The following NKAIN2 variants were observed in gnomAD, a reference collection of about 807,000 sequenced individuals.
NKAIN2 encodes the protein sodium/potassium-transporting ATPase subunit beta-1-interacting protein 2.
Under a neutral mutation model 32.6 loss-of-function variants are expected in NKAIN2, and 14 were observed. The ratio of observed to expected loss-of-function variants is 0.43; its 90% CI spans 0.28 to 0.67. NKAIN2 has a LOEUF of 0.67. Ranked by LOEUF, NKAIN2 falls within the 30% of genes least tolerant of loss-of-function variation. The pLI is 0.17. For synonymous variants in NKAIN2, 80 were observed against 87.2 expected (o/e 0.92, Z 0.46); for missense variants, 198 against 258.3 (o/e 0.77, Z 1.60).
At chr6:123,911,927 AT>A (rs1328761517) in intron 1 of NKAIN2, among the ~76,000 whole-genome samples, 8 of 149,998 alleles carry the variant, frequency 5.3e-5, no homozygotes, top group African/African-American at 2.0e-4. Flanking sequence ...TTTTACAGGT[AT>A]TTTTCACTGA....
At chr6:123,943,116 A>G (rs1299692675) in intron 1 of NKAIN2, among the ~76,000 whole-genome samples, 1 of 152,040 alleles carries the variant, frequency 6.6e-6, no homozygotes, top group East Asian at 1.9e-4. Context: ...GTTTCTATCA[A>G]GAGTAGTTGG....
At chr6:124,045,671 G>A (rs1436273741) in intron 1 of NKAIN2, among the ~76,000 whole-genome samples, 1 of 151,698 alleles carries the variant, frequency 6.6e-6, no homozygotes, top group Non-Finnish European at 1.5e-5. Flanking sequence ...AAACTAAATG[G>A]TGATTCATGG....
intron 6 of NKAIN2, chr6:124,819,132 A>G (rs1188135047): frequency 2.1e-6 from 2 of 973,224 alleles, no homozygotes; most frequent in Non-Finnish European, 2.4e-6. Flanking sequence ...ATATATCAGC[A>G]TCAAGTGATA....
At chr6:124,656,549 C>G (rs986868478) in intron 3 of NKAIN2, among the ~76,000 whole-genome samples, 2 of 151,922 alleles carry the variant, frequency 1.3e-5, no homozygotes, top group African/African-American at 4.8e-5. Flanking sequence ...AAAAGTGTCT[C>G]GAGACACTTT....
chr6:124,581,931 A>G (rs1781539465), intron 3 of NKAIN2, among the ~76,000 whole-genome samples: 2 of 152,276 alleles, frequency 1.3e-5, no homozygotes, highest in East Asian at 3.9e-4. Context: ...AAACTTCAAA[A>G]AGACAACCTA....
intron 4 of NKAIN2, among the ~76,000 whole-genome samples, chr6:124,725,625 T>A (rs1776245605): frequency 6.6e-6 from 1 of 152,236 alleles, no homozygotes; most frequent in South Asian, 2.1e-4. Flanking sequence ...TACAGTGGGG[T>A]AATATGCTGA....
chr6:124,329,036 C>G (rs1797542874), intron 2 of NKAIN2, among the ~76,000 whole-genome samples: 1 of 152,146 alleles, frequency 6.6e-6, no homozygotes. Context: ...AACCACAGCC[C>G]CACTGCTGCA....
At chr6:124,549,534 A>G (rs775069020) in intron 3 of NKAIN2, among the ~76,000 whole-genome samples, 4 of 152,262 alleles carry the variant, frequency 2.6e-5, no homozygotes, top group Middle Eastern at 3.4e-3. Flanking sequence ...CTAAAAATCA[A>G]CCTTTGTACA....
intron 3 of NKAIN2, among the ~76,000 whole-genome samples, chr6:124,409,653 C>T (rs1774056357): frequency 6.6e-6 from 1 of 152,062 alleles, no homozygotes; most frequent in Admixed American, 6.6e-5. Flanking sequence ...GTCTAAAATT[C>T]TCTTTTCTTG....
At chr6:124,124,325 T>C (rs888938233) in intron 1 of NKAIN2, among the ~76,000 whole-genome samples, 3 of 151,412 alleles carry the variant, frequency 2.0e-5, no homozygotes, top group African/African-American at 7.3e-5. Context: ...TTATTTTTAA[T>C]GTCATTCATG....
intron 1 of NKAIN2, among the ~76,000 whole-genome samples, chr6:124,280,832 CAT>C (rs971131296): frequency 6.6e-6 from 1 of 152,116 alleles, no homozygotes; most frequent in Non-Finnish European, 1.5e-5. Context: ...AATTACAGAA[CAT>C]ATGATAATGC....
rs150143655 is a variant in NKAIN2 at position 124,263,461 on chromosome 6, G to A, written c.55-19544G>A. Among the ~76,000 whole-genome samples, 241 of 152,162 alleles carry A rather than the reference G, an allele frequency of 1.6e-3. 3 individuals carry two copies. Among genetic ancestry groups the A allele is most frequent in the African/African-American group, 5.5e-3 (227 of 41,520 alleles). On this transcript the variant is annotated intron_variant, in intron 1 of 6. Coordinates refer to ENST00000368417, the MANE Select transcript of NKAIN2 (RefSeq NM_001040214.3). ...CTTTTGCTCATTGGCCTTGCTCTGC[G>A]GACACAAGCTTCAGTCTGCCTGACT... is the stretch of plus-strand genomic sequence containing the variant.
At chr6:124,661,494 C>A (rs1315749081) in intron 4 of NKAIN2, among the ~76,000 whole-genome samples, 1 of 152,172 alleles carries the variant, frequency 6.6e-6, no homozygotes, top group African/African-American at 2.4e-5. Context: ...CAACTCCTGG[C>A]TGATTCTGAA....
chr6:124,451,496 T>C (rs991806995), intron 3 of NKAIN2, among the ~76,000 whole-genome samples: 1 of 152,158 alleles, frequency 6.6e-6, no homozygotes, highest in Non-Finnish European at 1.5e-5. Context: ...TCTGGAGTAT[T>C]GTTTGCATTA....
intron 4 of NKAIN2, among the ~76,000 whole-genome samples, chr6:124,692,546 G>A (rs543413522): frequency 5.3e-5 from 8 of 152,272 alleles, no homozygotes; most frequent in African/African-American, 1.9e-4. Flanking sequence ...GCCGGGTGCG[G>A]TGGTTCACAC....
intron 1 of NKAIN2, among the ~76,000 whole-genome samples, chr6:123,947,720 C>T (rs1777136732): frequency 6.6e-6 from 1 of 152,112 alleles, no homozygotes; most frequent in African/African-American, 2.4e-5. Context: ...TTTTGGGTAC[C>T]TATCATCTCG....
At chr6:123,824,432 A>G (rs1048880841) in intron 1 of NKAIN2, among the ~76,000 whole-genome samples, 1 of 152,148 alleles carries the variant, frequency 6.6e-6, no homozygotes, top group African/African-American at 2.4e-5. Flanking sequence ...ACCTAGTAAA[A>G]ACTAAAGGTG....
intron 3 of NKAIN2, among the ~76,000 whole-genome samples, chr6:124,524,598 A>C (rs1044989489): frequency 1.3e-5 from 2 of 152,166 alleles, no homozygotes; most frequent in Admixed American, 6.5e-5. Flanking sequence ...CTTAAGAAAA[A>C]AGTAGGGCAT....
chr6:124,296,228 T>G (rs1465558640), intron 2 of NKAIN2, among the ~76,000 whole-genome samples: 2 of 152,070 alleles, frequency 1.3e-5, no homozygotes, highest in Non-Finnish European at 2.9e-5. Flanking sequence ...TAGTTTGCTT[T>G]GAGTTATAAT....
Sources: allele counts gnomAD v4.1 joint callset (sites outside exome capture counted in the v4.1 genomes callset), GRCh38; gene constraint gnomAD v4.1.1; transcripts MANE v1.5; gene names NCBI Gene and HGNC (gene_info 2026-07-23, HGNC 2026-07-21).